Variants in ALOX12 observed in about 807,000 individuals in gnomAD.
The protein encoded by ALOX12 is arachidonate 12-lipoxygenase, 12S type.
ALOX12 carries 62 observed loss-of-function variants against 85.5 expected under a neutral mutation model. That is an observed-to-expected ratio of 0.73 (90% CI 0.59 to 0.90). The LOEUF (loss-of-function observed/expected upper bound fraction) is 0.90, where lower values mean the gene tolerates loss of function less well. ALOX12 is among the 40% of genes least tolerant of loss of function. The pLI is 0.00. For synonymous variants in ALOX12, 299 were observed against 332.7 expected, an observed-to-expected ratio of 0.90 and a Z score of 1.10; for missense variants, 751 against 856.5, an observed-to-expected ratio of 0.88 and a Z score of 1.54.
Position 7,010,247 on chromosome 17 carries a change from C to A in ALOX12, c.1816C>A (p.Pro606Thr). The A allele has an allele frequency of 6.2e-7, 1 of 1,613,280 alleles. No homozygotes were observed. Residue 606 changes from proline to threonine, a missense_variant, in exon 14 of 14, where the codon CCT becomes ACT. Pro to Thr is a conservative substitution (Grantham distance 38). Coordinates refer to ENST00000251535, the MANE Select transcript of ALOX12 (RefSeq NM_000697.3). ...CTGATCCTTTGTTCTGTCTCAGGTG[C>A]CTCTGGGGCACCACAAAGAAAAATA... Reference protein sequence around the residue: ...HLSRRQPDMVPLGHHKEKYFS... With the variant: ...HLSRRQPDMVTLGHHKEKYFS...
chr17:6,998,848 G>A lies in ALOX12; in HGVS notation c.542+11G>A. Reference sequence around the variant, plus strand: ...GACACTGAAGGCAGGGTGAGAAAAAGGCTAGACCTCGGAGTGAAATAAGGG... The same window carrying A: ...GACACTGAAGGCAGGGTGAGAAAAAAGCTAGACCTCGGAGTGAAATAAGGG... On this transcript the variant is annotated intron_variant, in intron 4 of 13. Transcript: ENST00000251535. 6.2e-7 allele frequency: 1 copy of A among 1,614,164 alleles called. No individual in the cohort carries two copies. Among genetic ancestry groups the A allele is most frequent in the Admixed American group, 1.7e-5 (1 of 60,022 alleles).
intron 11 of ALOX12, among the ~76,000 whole-genome samples, chr17:7,007,741 C>T (rs533055567): frequency 2.8e-4 from 43 of 152,168 alleles, no homozygotes; most frequent in Non-Finnish European, 1.6e-4. Flanking sequence ...ATTAGCCAGG[C>T]GTCGTGGCAC....
At position 7,000,800 on chromosome 17, in the gene ALOX12, G is replaced by A. The variant is rs1471888394; in HGVS notation, c.951+321G>A. 1.3e-5 allele frequency among the ~76,000 whole-genome samples: 2 copies of A among 152,050 alleles called. No homozygotes were observed. The highest frequency in any genetic ancestry group is 6.6e-5 in the Admixed American group (1 of 15,218). On this transcript the variant is annotated intron_variant, in intron 7 of 13. Transcript: ENST00000251535. The surrounding 1 kb of genome is among the most constrained non-coding windows in gnomAD (Gnocchi z 4.6). ...CCAGACTTTCTGATTCAGTATGTCT[G>A]GGGTGGGAACTAAGAGTTTGCGTTT...
chr17:7,001,446 G>C (rs1908705752), intron 7 of ALOX12, 156 bp from the exon 8 acceptor site: 1 of 757,014 alleles, frequency 1.3e-6, no homozygotes, highest in Non-Finnish European at 2.2e-6. Flanking sequence ...GGGCACTCCA[G>C]CTAGCGAGCG....
Position 7,010,529 on chromosome 17 carries a change from C to T in ALOX12, c.*106C>T, listed in dbSNP as rs1171069479. On this transcript the variant is annotated 3_prime_UTR_variant, in exon 14 of 14. Coordinates refer to ENST00000251535, the MANE Select transcript of ALOX12 (RefSeq NM_000697.3). The stretch of plus-strand genomic sequence containing the variant: ...AGTCTCTGCTGCTAAGGCTCTATTT[C>T]CTCCCCCAGTTAAACCCCCTACATT... 1.5e-6 allele frequency: 2 copies of T among 1,377,380 alleles called. No homozygotes were observed. The highest frequency in any genetic ancestry group is 2.5e-5 in the Admixed American group (1 of 39,292). The allele number at this position is 1,377,380 out of a possible 1,614,324, so 85.3% of individuals were successfully genotyped here. A position where few individuals can be genotyped will look rare whatever the true frequency, so the allele number is the denominator to read the frequency against.
At position 7,010,088 on chromosome 17, in the gene ALOX12, G is replaced by A. The variant is rs528723752; in HGVS notation, c.1774G>A (p.Ala592Thr). ...TGTCCGGCAGGCCTGTCTTCAAATG[G>A]CCATCTCATGGCATCTGAGTCGCCG... ...PDVRQACLQM[A>T]ISWHLSRRQP... The change falls in exon 13 of 14, where the codon GCC (alanine) becomes ACC (threonine). Residue 592 changes from alanine to threonine, a missense_variant. Transcript: ENST00000251535. The A allele has an allele frequency of 6.2e-7, 1 of 1,613,794 alleles. No individual in the cohort carries two copies. The highest frequency in any genetic ancestry group is 1.3e-5 in the African/African-American group (1 of 75,036).
Position 7,006,005 on chromosome 17 carries a change from C to G in ALOX12, c.1396C>G (p.Arg466Gly). The G allele has an allele frequency of 6.4e-7, 1 of 1,553,106 alleles. No homozygotes were observed. Among genetic ancestry groups the G allele is most frequent in the South Asian group, 1.1e-5 (1 of 89,942 alleles). The change falls in exon 10 of 14, where the codon CGG becomes GGG. Residue 466 changes from arginine to glycine, a missense_variant. By Grantham distance (125) the Arg-to-Gly change is moderately radical (BLOSUM62 -2). Transcript: ENST00000251535. Reference sequence around the variant, plus strand: ...TGCTCTCTATGCCCATGATGCTTTACGGCTCTGGGAGATCATTGCCAGGTG... The same window carrying G: ...TGCTCTCTATGCCCATGATGCTTTAGGGCTCTGGGAGATCATTGCCAGGTG... ...PGALYAHDAL[R>G]LWEIIARYVE...
At chr17:7,005,216 T>G in intron 8 of ALOX12, 41 bp from the exon 9 acceptor site, 1 of 1,565,670 alleles carries the variant, frequency 6.4e-7, no homozygotes, top group Non-Finnish European at 8.8e-7. Context: ...GACCCAAGCA[T>G]GGCCTCCACC....
intron 6 of ALOX12, among the ~76,000 whole-genome samples, chr17:6,999,803 G>A (rs917524346): frequency 2.0e-5 from 3 of 152,152 alleles, no homozygotes; most frequent in African/African-American, 7.2e-5. Context: ...GAATCGGGGA[G>A]GCTTTCTAGA....
At chr17:7,007,774 G>T (rs967912631) in intron 11 of ALOX12, among the ~76,000 whole-genome samples, 1 of 152,098 alleles carries the variant, frequency 6.6e-6, no homozygotes, top group Non-Finnish European at 1.5e-5. Context: ...CCAGCTACTC[G>T]GGAGGCTGAG....
Position 6,998,935 on chromosome 17 carries a change from C to G in ALOX12, c.543-18C>G, listed in dbSNP as rs1253802372. 1.2e-6 allele frequency: 2 copies of G among 1,613,878 alleles called. No homozygotes were observed. Among genetic ancestry groups the G allele is most frequent in the Admixed American group, 1.7e-5 (1 of 60,000 alleles). ...CTGAGGGATCAGCTGATGAGTTAAG[C>G]CTCAATACCTGTCCTAGGGCTCTGG... On this transcript the variant is annotated intron_variant, in intron 4 of 13. Coordinates refer to ENST00000251535, the MANE Select transcript of ALOX12 (RefSeq NM_000697.3).
At chr17:6,999,489 G>A in intron 6 of ALOX12, 23 bp downstream of exon 6, 1 of 1,612,146 alleles carries the variant, frequency 6.2e-7, no homozygotes, top group Non-Finnish European at 8.5e-7. Context: ...CCCCTGCCTG[G>A]CACTGTTCTC....
chr17:6,996,712 T>A, intron 1 of ALOX12, 114 bp from the exon 2 acceptor site: 1 of 1,301,388 alleles, frequency 7.7e-7, no homozygotes, highest in Non-Finnish European at 1.0e-6. Context: ...AACGAGGCGA[T>A]GCTGTCTTTG....
chr17:7,003,607 T>C (rs1044342729), intron 8 of ALOX12, among the ~76,000 whole-genome samples: 4 of 152,064 alleles, frequency 2.6e-5, no homozygotes, highest in Admixed American at 1.3e-4. Flanking sequence ...TTTTTATTTT[T>C]TGTAGAGACA....
At position 7,009,775 on chromosome 17, in the gene ALOX12, T is replaced by G. The variant is rs1449979034; in HGVS notation, c.1569T>G (p.Ser523Arg). The change falls in exon 12 of 14, where the codon AGT becomes AGG. Residue 523 changes from serine to arginine, a missense_variant. Coordinates refer to ENST00000251535, the MANE Select transcript of ALOX12 (RefSeq NM_000697.3). ...RGFPVSFQSQ[S>R]QLCHFLTMCV... Reference sequence around the variant, plus strand: ...TCCCTGTCTCCTTCCAGTCCCAGAGTCAACTCTGCCATTTCCTCACCATGT... The same window carrying G: ...TCCCTGTCTCCTTCCAGTCCCAGAGGCAACTCTGCCATTTCCTCACCATGT... 6.2e-7 allele frequency: 1 copy of G among 1,614,194 alleles called. No homozygotes were observed.
At chr17:6,996,768 C>G (rs1277410975) in intron 1 of ALOX12, 58 bp from the exon 2 acceptor site, 14 of 1,545,118 alleles carry the variant, frequency 9.1e-6, no homozygotes, top group African/African-American at 1.4e-5. Context: ...GCTCTGTCCT[C>G]GAAACGGCCT....
intron 10 of ALOX12, 74 bp downstream of exon 10, chr17:7,006,101 AAAGC>A (rs1909057229): frequency 1.0e-6 from 1 of 989,156 alleles, no homozygotes; most frequent in Non-Finnish European, 1.5e-6. Flanking sequence ...GCATGGGGCA[AAAGC>A]AAGAAGGTCC....
At chr17:7,002,396 A>T in intron 8 of ALOX12, 1 of 429,744 alleles carries the variant, frequency 2.3e-6, no homozygotes, top group Non-Finnish European at 4.8e-6. Context: ...TGGTAGCTGC[A>T]GCGTGCCTGG....
At position 6,998,766 on chromosome 17, in the gene ALOX12, G is replaced by T. The variant is rs1908568818; in HGVS notation, c.471G>T (p.Lys157Asn). 6.2e-7 allele frequency: 1 copy of T among 1,614,162 alleles called. No individual in the cohort carries two copies. Among genetic ancestry groups the T allele is most frequent in the Non-Finnish European group, 8.5e-7 (1 of 1,180,036 alleles). The change falls in exon 4 of 14, where the codon AAG becomes AAT. Residue 157 changes from lysine to asparagine, a missense_variant. Physicochemically the swap from Lys to Asn is moderately conservative, Grantham distance 94. Transcript: ENST00000251535. The part of the protein sequence containing the change: ...GLPLTIAADR[K>N]DDLPPNMRFH... The stretch of plus-strand genomic sequence containing the variant: ...CCCTGACCATCGCTGCAGACCGTAA[G>T]GATGATCTACCTCCAAATATGAGAT...
Sources: allele counts gnomAD v4.1 joint callset (sites outside exome capture counted in the v4.1 genomes callset), GRCh38; gene constraint gnomAD v4.1.1; non-coding constraint Gnocchi (gnomAD v3.1); transcripts MANE v1.5; gene names NCBI Gene and HGNC (gene_info 2026-07-23, HGNC 2026-07-21).